The following TMEM181 variants were observed in gnomAD, a reference collection of about 807,000 sequenced individuals.
TMEM181 encodes transmembrane protein 181.
Under a neutral mutation model 71.9 loss-of-function variants are expected in TMEM181, and 39 were observed. The observed-to-expected ratio is 0.54, with a 90% confidence interval of 0.42 to 0.71. The LOEUF is 0.71. Ranked by LOEUF, TMEM181 falls within the 30% of genes least tolerant of loss-of-function variation. TMEM181 has a pLI of 0.00. For synonymous variants in TMEM181, 245 were observed against 228.8 expected, an observed-to-expected ratio of 1.07 and a Z score of -0.64; for missense variants, 595 against 583.0, an observed-to-expected ratio of 1.02 and a Z score of -0.21.
chr6:158,556,504 GT>G (rs1781892236), upstream of TMEM181, among the ~76,000 whole-genome samples: 1 of 152,174 alleles, frequency 6.6e-6, no homozygotes, highest in Non-Finnish European at 1.5e-5. Flanking sequence ...AAAGATGAAG[GT>G]TTTTAAAGGA....
chr6:158,611,522 G>A (rs62432477), intron 10 of TMEM181: 147,361 of 489,110 alleles, frequency 0.3, 24,369 homozygotes, highest in East Asian at 0.67. Context: ...AGTTCATGGA[G>A]TTACGAGAAC....
At chr6:158,585,222 G>T in intron 4 of TMEM181, 82 bp from the exon 5 acceptor site, 1 of 1,447,080 alleles carries the variant, frequency 6.9e-7, no homozygotes, top group Non-Finnish European at 9.2e-7. Context: ...TGGCTCCAAG[G>T]TCATTACAGA....
intron 6 of TMEM181, among the ~76,000 whole-genome samples, chr6:158,591,856 G>GT (rs1784128512): frequency 6.6e-6 from 1 of 152,028 alleles, no homozygotes; most frequent in Admixed American, 6.5e-5. Context: ...TCCATCTTTT[G>GT]TATCTATGTT....
chr6:158,604,510 T>C (rs187959647), intron 6 of TMEM181, among the ~76,000 whole-genome samples: 2 of 152,250 alleles, frequency 1.3e-5, no homozygotes, highest in East Asian at 3.9e-4. Flanking sequence ...CGTGCTTAGG[T>C]TGGTGGTGGC....
At chr6:158,630,527 G>C (rs915190751) in intron 15 of TMEM181, among the ~76,000 whole-genome samples, 6 of 152,098 alleles carry the variant, frequency 3.9e-5, no homozygotes, top group African/African-American at 1.2e-4. Context: ...CTTTGCATTA[G>C]ATGATTTTGC....
chr6:158,560,001 G>A (rs1284463947), upstream of TMEM181: 1 of 973,502 alleles, frequency 1.0e-6, no homozygotes, highest in African/African-American at 1.8e-5. Context: ...CCCCCTCGCC[G>A]CGCGCCCGCG....
At position 158,635,030 on chromosome 6, in the gene TMEM181, A is replaced by G. The variant is rs1015740319; in HGVS notation, c.*3142A>G. Reference sequence around the variant, plus strand: ...GCCTTAGAGGTTAGACTTTTGAAGAAAAAAAAAAAAAGATACAGATCTTTT... The same window carrying G: ...GCCTTAGAGGTTAGACTTTTGAAGAGAAAAAAAAAAAGATACAGATCTTTT... On this transcript the variant is annotated 3_prime_UTR_variant, in exon 17 of 17. Coordinates refer to ENST00000684151, the MANE Select transcript of TMEM181 (RefSeq NM_001376852.1). 3.4e-5 allele frequency: 5 copies of G among 147,256 alleles called. No homozygotes were observed. In the East Asian group the frequency reaches 9.7e-4, roughly 29 times the overall value. The allele number at this position is 147,256 out of a possible 1,614,324, so 9.1% of individuals were successfully genotyped here.
intron 2 of TMEM181, among the ~76,000 whole-genome samples, chr6:158,578,360 C>T (rs1783279949): frequency 6.6e-6 from 1 of 151,980 alleles, no homozygotes; most frequent in Non-Finnish European, 1.5e-5. Context: ...TGTATAACTC[C>T]ATTTTTTTTG....
intron 1 of TMEM181, among the ~76,000 whole-genome samples, chr6:158,547,725 G>A (rs777782640): frequency 6.6e-6 from 1 of 151,698 alleles, no homozygotes; most frequent in African/African-American, 2.4e-5. Flanking sequence ...AGGCCCCCTT[G>A]GTCCTGCCCA....
At chr6:158,559,649 C>T (rs969404053), upstream of TMEM181, among the ~76,000 whole-genome samples, 1 of 152,180 alleles carries the variant, frequency 6.6e-6, no homozygotes, top group Admixed American at 6.5e-5. Context: ...TGTCATCATT[C>T]GGGGTGGCAG....
chr6:158,552,012 C>T (rs1337098549), intron 1 of TMEM181, among the ~76,000 whole-genome samples: 2 of 152,184 alleles, frequency 1.3e-5, no homozygotes, highest in Non-Finnish European at 2.9e-5. Flanking sequence ...AAAAAGTTTA[C>T]AGTCCTTGCT....
intron 12 of TMEM181, 109 bp downstream of exon 12, chr6:158,625,315 A>C (rs1237255301): frequency 1.5e-5 from 14 of 938,540 alleles, no homozygotes; most frequent in Non-Finnish European, 2.4e-5. Context: ...GGGCCCAGGG[A>C]CTGGTCCATT....
intron 10 of TMEM181, among the ~76,000 whole-genome samples, chr6:158,619,888 AAG>A (rs1491062547): frequency 1.4e-4 from 15 of 104,594 alleles, no homozygotes; most frequent in African/African-American, 5.7e-4. Flanking sequence ...AAAAAAAAAA[AAG>A]GAGGATGTCA....
intron 3 of TMEM181, among the ~76,000 whole-genome samples, chr6:158,582,490 C>T (rs1783535165): frequency 6.6e-6 from 1 of 152,104 alleles, no homozygotes; most frequent in Admixed American, 6.6e-5. Context: ...CATAGGGAGA[C>T]TGTGTCTCTA....
upstream of TMEM181, among the ~76,000 whole-genome samples, chr6:158,556,742 C>G (rs1046485402): frequency 4.0e-5 from 6 of 149,844 alleles, no homozygotes; most frequent in Non-Finnish European, 8.9e-5. Flanking sequence ...ATGGTGTTCT[C>G]TGGCTCTATT....
At chr6:158,571,927 C>G (rs897753158) in intron 1 of TMEM181, among the ~76,000 whole-genome samples, 9 of 152,252 alleles carry the variant, frequency 5.9e-5, no homozygotes, top group African/African-American at 2.2e-4. Context: ...GAGGATCTGT[C>G]AGGCCCCAGA....
At chr6:158,604,617 A>G (rs1285344952) in intron 6 of TMEM181, among the ~76,000 whole-genome samples, 10 of 151,930 alleles carry the variant, frequency 6.6e-5, no homozygotes, top group African/African-American at 2.4e-5. Context: ...ATGAGAACGG[A>G]CTCCTTCAAC....
chr6:158,590,679 G>A (rs1784060517), intron 6 of TMEM181, among the ~76,000 whole-genome samples: 1 of 152,202 alleles, frequency 6.6e-6, no homozygotes, highest in Admixed American at 6.5e-5. Context: ...GGCCAGGATG[G>A]TCTTGATCTC....
intron 1 of TMEM181, chr6:158,536,958 C>T (rs1582903421): frequency 1.1e-6 from 1 of 951,496 alleles, no homozygotes; most frequent in Non-Finnish European, 1.3e-6. Flanking sequence ...TGGCCTGGTC[C>T]CGCCGACGGC....
Sources: allele counts gnomAD v4.1 joint callset (sites outside exome capture counted in the v4.1 genomes callset), GRCh38; gene constraint gnomAD v4.1.1; transcripts MANE v1.5; gene names NCBI Gene and HGNC (gene_info 2026-07-23, HGNC 2026-07-21).